Variants in VOPP1 observed in about 807,000 individuals in gnomAD.
The protein encoded by VOPP1 is WW domain binding protein VOPP1.
VOPP1 carries 8 observed loss-of-function variants against 23.5 expected under a neutral mutation model. That is an observed-to-expected ratio of 0.34 (90% CI 0.20 to 0.61). VOPP1 has a LOEUF of 0.61. Among genes scored for constraint, VOPP1 ranks in the 20% least tolerant of loss-of-function variants. The pLI, the probability that VOPP1 is intolerant of heterozygous loss-of-function variation, is 0.78. For synonymous variants in VOPP1, 83 were observed against 97.3 expected, an observed-to-expected ratio of 0.85 and a Z score of 0.86; for missense variants, 174 against 238.1, an observed-to-expected ratio of 0.73 and a Z score of 1.77.
At chr7:55,561,772 C>G in intron 1 of VOPP1, 1 of 436,686 alleles carries the variant, frequency 2.3e-6, no homozygotes, top group South Asian at 3.7e-5. Flanking sequence ...AACAAACAAG[C>G]AATTACAGTA....
chr7:55,545,886 C>G (rs1425395097), intron 1 of VOPP1, among the ~76,000 whole-genome samples: 1 of 151,060 alleles, frequency 6.6e-6, no homozygotes, highest in Non-Finnish European at 1.5e-5. Flanking sequence ...CCGGGCCACA[C>G]AGCAAGACCC....
chr7:55,548,888 T>C (rs1402119109), intron 1 of VOPP1, among the ~76,000 whole-genome samples: 1 of 152,178 alleles, frequency 6.6e-6, no homozygotes, highest in East Asian at 1.9e-4. Context: ...ATCCCAGCAT[T>C]TCCCAAACCC....
At chr7:55,474,605 A>C (rs1792094361) in intron 4 of VOPP1, among the ~76,000 whole-genome samples, 2 of 152,218 alleles carry the variant, frequency 1.3e-5, no homozygotes, top group Non-Finnish European at 2.9e-5. Context: ...AATACAGGAG[A>C]ACAGGGGCTC....
intron 1 of VOPP1, among the ~76,000 whole-genome samples, chr7:55,553,131 T>G (rs1797678398): frequency 6.6e-6 from 1 of 152,364 alleles, no homozygotes; most frequent in East Asian, 1.9e-4. Flanking sequence ...AGTAACAGTA[T>G]AGGCAGACAA....
At chr7:55,517,801 A>G (rs1166405423) in intron 2 of VOPP1, among the ~76,000 whole-genome samples, 1 of 152,160 alleles carries the variant, frequency 6.6e-6, no homozygotes, top group African/African-American at 2.4e-5. Flanking sequence ...ATTTCTACTC[A>G]TTCCCCTTTA....
intron 4 of VOPP1, among the ~76,000 whole-genome samples, chr7:55,453,902 T>C (rs1583803698): frequency 6.6e-6 from 1 of 152,170 alleles, no homozygotes; most frequent in Non-Finnish European, 1.5e-5. Flanking sequence ...CAAAATATAG[T>C]AGTTTTTGAG....
chr7:55,443,471 A>AGGCAGGAGAATGGCG (rs1562877831), intron 4 of VOPP1, among the ~76,000 whole-genome samples: 1 of 151,592 alleles, frequency 6.6e-6, no homozygotes, highest in African/African-American at 2.4e-5. Context: ...GGAGAATGGC[A>AGGCAGGAGAATGGCG]TGAACGCAGG....
chr7:55,537,498 C>T (rs1308428240), intron 1 of VOPP1: 1 of 1,536,038 alleles, frequency 6.5e-7, no homozygotes, highest in African/African-American at 1.4e-5. Flanking sequence ...GCCGAGCAAG[C>T]ACCTGAGCAT....
chr7:55,476,089 C>T (rs1792224044), intron 4 of VOPP1, among the ~76,000 whole-genome samples: 4 of 152,170 alleles, frequency 2.6e-5, no homozygotes, highest in Admixed American at 2.6e-4. Context: ...GGGGGCATCA[C>T]GGGCCCGTGT....
intron 1 of VOPP1, among the ~76,000 whole-genome samples, chr7:55,533,300 A>G (rs1796598250): frequency 6.6e-6 from 1 of 152,136 alleles, no homozygotes; most frequent in African/African-American, 2.4e-5. Flanking sequence ...GTGCTCTTGA[A>G]AGGCAGTGCC....
intron 2 of VOPP1, among the ~76,000 whole-genome samples, chr7:55,509,545 G>C (rs1794940337): frequency 6.6e-6 from 1 of 152,160 alleles, no homozygotes; most frequent in African/African-American, 2.4e-5. Flanking sequence ...TTGGGTGTTA[G>C]GTTCCAACAT....
intron 4 of VOPP1, among the ~76,000 whole-genome samples, chr7:55,457,402 T>C (rs890309637): frequency 5.9e-5 from 9 of 152,340 alleles, no homozygotes; most frequent in Admixed American, 5.9e-4. Context: ...ATGTTGGCTA[T>C]TGTGAATAGT....
At chr7:55,457,329 T>C (rs1456821924) in intron 4 of VOPP1, among the ~76,000 whole-genome samples, 2 of 152,216 alleles carry the variant, frequency 1.3e-5, no homozygotes, top group Admixed American at 6.5e-5. Flanking sequence ...AGTATTCCAT[T>C]GTGTAAGTAT....
intron 4 of VOPP1, among the ~76,000 whole-genome samples, chr7:55,462,638 T>C (rs1791529396): frequency 6.6e-6 from 1 of 150,730 alleles, no homozygotes; most frequent in Non-Finnish European, 1.5e-5. Context: ...TAGTCTATTG[T>C]TGAAACTCTT....
At chr7:55,513,197 C>A (rs1795192944) in intron 2 of VOPP1, among the ~76,000 whole-genome samples, 1 of 151,802 alleles carries the variant, frequency 6.6e-6, no homozygotes, top group Admixed American at 6.6e-5. Context: ...GGACCCTGGG[C>A]TCCTCCAGGA....
chr7:55,536,737 G>A (rs543840181), intron 1 of VOPP1, among the ~76,000 whole-genome samples: 1 of 152,176 alleles, frequency 6.6e-6, no homozygotes, highest in Non-Finnish European at 1.5e-5. Flanking sequence ...ACACCAAGGA[G>A]CACTGGCCCA....
intron 4 of VOPP1, among the ~76,000 whole-genome samples, chr7:55,476,965 G>A (rs369173305): frequency 2.0e-5 from 3 of 152,128 alleles, no homozygotes; most frequent in East Asian, 1.9e-4. Context: ...GCCTGGATCC[G>A]GTCTGCCCTC....
chr7:55,534,034 C>A (rs1796639955), intron 1 of VOPP1, among the ~76,000 whole-genome samples: 1 of 151,998 alleles, frequency 6.6e-6, no homozygotes, highest in South Asian at 2.1e-4. Context: ...CACCAGCAAA[C>A]TGTACAGCTG....
chr7:55,520,955 C>T, intron 2 of VOPP1, 117 bp downstream of exon 2: 1 of 1,090,322 alleles, frequency 9.2e-7, no homozygotes, highest in Non-Finnish European at 1.3e-6. Flanking sequence ...CCTGGCACCG[C>T]AGCAGAGGCT....
Sources: gnomAD v4.1 joint callset for allele counts (sites outside exome capture counted in the v4.1 genomes callset) on GRCh38, gnomAD v4.1.1 for gene constraint, MANE v1.5 for transcripts, NCBI Gene and HGNC (gene_info 2026-07-23, HGNC 2026-07-21) for gene names.